The following IKBKB-DT variants were observed in gnomAD, a reference collection of about 807,000 sequenced individuals.
IKBKB-DT encodes the protein IKBKB divergent transcript.
chr8:42,271,232 C>G (rs1428420667), exon 1 of IKBKB-DT: 7 of 660,188 alleles, frequency 1.1e-5, no homozygotes, highest in South Asian at 6.4e-5. Context: ...GCAGCACTCG[C>G]AGCATCCGGA....
chr8:42,263,684 G>A (rs1384001102), intron 2 of IKBKB-DT, among the ~76,000 whole-genome samples: 2 of 152,226 alleles, frequency 1.3e-5, no homozygotes, highest in African/African-American at 2.4e-5. Context: ...AGCTTGGTAA[G>A]TAAAGCTAAG....
Position 42,257,887 on chromosome 8 carries a change from G to A in IKBKB-DT, n.1529+5442C>T, listed in dbSNP as rs142857088. 4.7e-4 allele frequency among the ~76,000 whole-genome samples: 72 copies of A among 151,710 alleles called. 3 individuals carry two copies. Among genetic ancestry groups the A allele is most frequent in the East Asian group, 4.4e-3 (23 of 5,174 alleles). On this transcript the variant is annotated intron_variant and non_coding_transcript_variant, in intron 3 of 3. Transcript: ENST00000518213. ...ACTCAGTTATCCATTTAACCAAAGC[G>A]CTGGAAGATTTCAGAGGTAATTACA...
chr8:42,239,279 C>T (rs1806967585), intron 3 of IKBKB-DT, among the ~76,000 whole-genome samples: 1 of 151,916 alleles, frequency 6.6e-6, no homozygotes, highest in Non-Finnish European at 1.5e-5. Context: ...CCTGGGGTGA[C>T]CATCCTCGAA....
chr8:42,269,496 A>AGAAG (rs1379384909), intron 1 of IKBKB-DT, among the ~76,000 whole-genome samples: 4 of 117,602 alleles, frequency 3.4e-5, no homozygotes, highest in African/African-American at 9.9e-5. Context: ...AAAGAAGGAA[A>AGAAG]GAAGGAAGGA....
At chr8:42,264,917 C>CA (rs1697822396) in intron 2 of IKBKB-DT, among the ~76,000 whole-genome samples, 1 of 150,826 alleles carries the variant, frequency 6.6e-6, no homozygotes, top group Non-Finnish European at 1.5e-5. Context: ...GGCTGGAGTG[C>CA]AATGGCGCCA....
At chr8:42,269,814 T>A (rs1807507337) in intron 1 of IKBKB-DT, among the ~76,000 whole-genome samples, 4 of 152,068 alleles carry the variant, frequency 2.6e-5, no homozygotes, top group Admixed American at 1.3e-4. Context: ...ACCTCATTTG[T>A]CCCTCACAAC....
intron 3 of IKBKB-DT, among the ~76,000 whole-genome samples, chr8:42,236,865 A>T (rs1177734137): frequency 6.6e-6 from 1 of 152,180 alleles, no homozygotes; most frequent in Non-Finnish European, 1.5e-5. Flanking sequence ...GCCTTTTAAA[A>T]ATATTTCAAA....
intron 3 of IKBKB-DT, among the ~76,000 whole-genome samples, chr8:42,243,045 C>T (rs751709576): frequency 1.4e-4 from 22 of 152,118 alleles, no homozygotes; most frequent in Non-Finnish European, 2.6e-4. Flanking sequence ...GCTTTGCTCT[C>T]GGAGTAGAAA....
intron 3 of IKBKB-DT, among the ~76,000 whole-genome samples, chr8:42,242,642 A>G (rs1585460759): frequency 6.6e-6 from 1 of 152,096 alleles, no homozygotes. Context: ...CATTGACCTC[A>G]CTTGCTGCAG....
intron 3 of IKBKB-DT, among the ~76,000 whole-genome samples, chr8:42,257,475 T>C (rs1233980939): frequency 1.3e-5 from 2 of 150,292 alleles, no homozygotes; most frequent in Non-Finnish European, 3.0e-5. Context: ...CACTCCAGCC[T>C]GGCAACAGAG....
At chr8:42,256,832 AC>A (rs549233379) in intron 3 of IKBKB-DT, among the ~76,000 whole-genome samples, 1 of 152,078 alleles carries the variant, frequency 6.6e-6, no homozygotes, top group Non-Finnish European at 1.5e-5. Flanking sequence ...GACTTTTCTT[AC>A]TCATCAGCAC....
At chr8:42,239,284 C>T (rs1207520545) in intron 3 of IKBKB-DT, among the ~76,000 whole-genome samples, 1 of 151,938 alleles carries the variant, frequency 6.6e-6, no homozygotes, top group Non-Finnish European at 1.5e-5. Flanking sequence ...GGTGACCATC[C>T]TCGAAGCCCA....
intron 3 of IKBKB-DT, among the ~76,000 whole-genome samples, chr8:42,238,223 A>G (rs1394875533): frequency 6.6e-6 from 1 of 151,372 alleles, no homozygotes; most frequent in Non-Finnish European, 1.5e-5. Flanking sequence ...GAGAACCAAC[A>G]TTGGCTGAGT....
chr8:42,245,849 C>A (rs1807056509), intron 3 of IKBKB-DT, among the ~76,000 whole-genome samples: 1 of 152,114 alleles, frequency 6.6e-6, no homozygotes, highest in Admixed American at 6.5e-5. Context: ...AAACTCTTGA[C>A]ATATAAAAGG....
intron 3 of IKBKB-DT, among the ~76,000 whole-genome samples, chr8:42,258,542 C>A (rs1292112513): frequency 6.6e-6 from 1 of 151,626 alleles, no homozygotes; most frequent in Non-Finnish European, 1.5e-5. Flanking sequence ...GATCTCTGCT[C>A]ACTGCAACCT....
At chr8:42,267,585 C>A (rs1807392861) in intron 1 of IKBKB-DT, among the ~76,000 whole-genome samples, 1 of 152,086 alleles carries the variant, frequency 6.6e-6, no homozygotes, top group South Asian at 2.1e-4. Context: ...TCAGTAATGC[C>A]CTGGGCTGAG....
chr8:42,266,780 ACT>A (rs1233010253), intron 1 of IKBKB-DT, among the ~76,000 whole-genome samples: 1 of 152,074 alleles, frequency 6.6e-6, no homozygotes, highest in Admixed American at 6.6e-5. Flanking sequence ...GGTCGTCCTC[ACT>A]GTTATACTCC....
chr8:42,247,470 A>G (rs1450805072), intron 3 of IKBKB-DT, among the ~76,000 whole-genome samples: 1 of 152,172 alleles, frequency 6.6e-6, no homozygotes, highest in Non-Finnish European at 1.5e-5. Context: ...CTAATCTCAG[A>G]TGAGACTTTG....
At chr8:42,261,387 C>T (rs1807287224) in intron 3 of IKBKB-DT, among the ~76,000 whole-genome samples, 1 of 152,002 alleles carries the variant, frequency 6.6e-6, no homozygotes, top group South Asian at 2.1e-4. Flanking sequence ...TTATGAGACC[C>T]AGAAAGGCAT....
Sources: allele counts gnomAD v4.1 joint callset (sites outside exome capture counted in the v4.1 genomes callset), GRCh38; gene constraint gnomAD v4.1.1; transcripts MANE v1.5; gene names NCBI Gene and HGNC (gene_info 2026-07-23, HGNC 2026-07-21).